The following AFAP1L2 variants were observed in gnomAD, a reference collection of about 807,000 sequenced individuals.
AFAP1L2 encodes actin filament associated protein 1 like 2, also known as actin filament-associated protein 1-like 2.
In AFAP1L2, 46 loss-of-function variants were observed where a neutral mutation model predicts 99.3. The ratio of observed to expected loss-of-function variants is 0.46; its 90% confidence interval spans 0.37 to 0.59. The LOEUF (loss-of-function observed/expected upper bound fraction) is 0.59. AFAP1L2 is among the 20% of genes least tolerant of loss of function. The probability of loss-of-function intolerance (pLI) is 0.00; values close to 1 mark genes in which losing one functional copy is unlikely to be tolerated. For missense variants in AFAP1L2, 959 were observed against 1,034.9 expected, an observed-to-expected ratio of 0.93 and a Z score of 1.01; for synonymous variants, 397 against 419.1, an observed-to-expected ratio of 0.95 and a Z score of 0.64.
chr10:114,301,068 C>T (rs887568696), intron 13 of AFAP1L2, among the ~76,000 whole-genome samples: 31 of 152,300 alleles, frequency 2.0e-4, no homozygotes, highest in Middle Eastern at 3.4e-3. Flanking sequence ...ACCTGGAAGC[C>T]TACTGGTACC....
chr10:114,291,021 C>T (rs903260817), downstream of AFAP1L2, among the ~76,000 whole-genome samples: 4 of 152,018 alleles, frequency 2.6e-5, no homozygotes, highest in African/African-American at 7.2e-5. Flanking sequence ...TTTTTGGCCA[C>T]GGGCAGAGGT....
rs149696955 is a variant in AFAP1L2, at chr10:114,309,315, C to T, written c.883-798G>A. On this transcript the variant is annotated intron_variant, in intron 8 of 18. Coordinates refer to ENST00000304129, the MANE Select transcript of AFAP1L2 (RefSeq NM_001001936.3). ...ATAAATGAGATAATGAAAAATGGCC[C>T]CTCCTGAGTCACTCTGGAATCTGGA... 6.2e-3 allele frequency among the ~76,000 whole-genome samples: 940 copies of T among 152,286 alleles called. 8 individuals are homozygous for T. Among genetic ancestry groups the T allele is most frequent in the African/African-American group, 0.022 (906 of 41,560 alleles).
intron 2 of AFAP1L2, among the ~76,000 whole-genome samples, chr10:114,339,395 G>C (rs965916630): frequency 9.9e-5 from 15 of 152,178 alleles, no homozygotes; most frequent in Non-Finnish European, 1.8e-4. Flanking sequence ...TACAGTGAGC[G>C]GAGATCGCGC....
chr10:114,387,423 A>T (rs1051032180), intron 1 of AFAP1L2, among the ~76,000 whole-genome samples: 1 of 152,154 alleles, frequency 6.6e-6, no homozygotes, highest in Non-Finnish European at 1.5e-5. Context: ...CCCACATAGA[A>T]CCTAATGGCA....
At chr10:114,290,648 G>A (rs1433852221), downstream of AFAP1L2, among the ~76,000 whole-genome samples, 4 of 152,302 alleles carry the variant, frequency 2.6e-5, no homozygotes, top group East Asian at 7.7e-4. Flanking sequence ...ATGTGGTGTG[G>A]TAGACGGTGC....
chr10:114,300,265 G>A lies in AFAP1L2; in HGVS notation c.1886C>T (p.Pro629Leu), dbSNP rs754748689. 2.2e-5 allele frequency: 35 copies of A among 1,614,026 alleles called. No individual in the cohort carries two copies. The highest frequency in any genetic ancestry group is 1.4e-4 in the South Asian group (13 of 91,078). The change falls in exon 15 of 19, where the codon CCG becomes CTG. Residue 629 changes from proline (P) to leucine (L), a missense_variant. Pro to Leu is a moderately conservative substitution (Grantham distance 98, BLOSUM62 -3). Transcript: ENST00000304129. ...AGGTGGGGTGGCCACCACGGCATCC[G>A]GGCAGCTCGGTGGGAAGGAGATTCT... ...QQRISFPPSCPDAVVATPPGA... is the reference protein window; with the variant it reads ...QQRISFPPSCLDAVVATPPGA...
rs1369417284 is a variant in AFAP1L2 at position 114,328,783 on chromosome 10, C to T, written c.315+3020G>A. 3.9e-5 allele frequency among the ~76,000 whole-genome samples: 6 copies of T among 152,136 alleles called. 1 individual carries two copies. The highest frequency in any genetic ancestry group is 8.8e-5 in the Non-Finnish European group (6 of 68,014). ...TGATGGCTGCTTCAGCCTGATTCAA[C>T]AAGAGAGGAGGCCTGAGGGAGTGAG... On this transcript the variant is annotated intron_variant, in intron 4 of 18. Coordinates refer to ENST00000304129, the MANE Select transcript of AFAP1L2 (RefSeq NM_001001936.3).
chr10:114,369,594 CAAAAAAAAA>C (rs34904418), intron 1 of AFAP1L2, among the ~76,000 whole-genome samples: 1 of 74,662 alleles, frequency 1.3e-5, no homozygotes, highest in African/African-American at 5.4e-5. Flanking sequence ...GACTCCGACT[CAAAAAAAAA>C]AAAAAAAAAA....
chr10:114,345,606 A>G (rs1389022875), intron 1 of AFAP1L2, among the ~76,000 whole-genome samples: 1 of 152,126 alleles, frequency 6.6e-6, no homozygotes, highest in African/African-American at 2.4e-5. Flanking sequence ...CTGAATTACA[A>G]CCCAATTTGG....
In AFAP1L2 at chr10:114,314,502, G is replaced by A. The variant is rs564849116; in HGVS notation, c.613-452C>T. ...CTCTTATCTGCCTAGTTAGGAAGAT[G>A]ATGTATTAACAAAGAAAGGAAGGAC... On this transcript the variant is annotated intron_variant, in intron 6 of 18. Coordinates refer to ENST00000304129, the MANE Select transcript of AFAP1L2 (RefSeq NM_001001936.3). Among the ~76,000 whole-genome samples the A allele has an allele frequency of 2.5e-3, 385 of 152,266 alleles. 4 individuals are homozygous for A. The highest frequency in any genetic ancestry group is 3.4e-3 in the Middle Eastern group (1 of 294).
intron 2 of AFAP1L2, among the ~76,000 whole-genome samples, chr10:114,338,325 G>T (rs1336139297): frequency 2.6e-5 from 4 of 152,154 alleles, no homozygotes; most frequent in Non-Finnish European, 5.9e-5. Context: ...AGATGCCCTT[G>T]CACGGTCCCT....
At chr10:114,327,869 C>T (rs1014403157) in intron 4 of AFAP1L2, among the ~76,000 whole-genome samples, 1 of 152,230 alleles carries the variant, frequency 6.6e-6, no homozygotes, top group Non-Finnish European at 1.5e-5. Context: ...CATCCTGCCC[C>T]AGAGTATGCT....
downstream of AFAP1L2, chr10:114,291,111 G>T: frequency 7.7e-7 from 1 of 1,299,976 alleles, no homozygotes. Context: ...TGGGGGCGAG[G>T]TGGGTTGTAG....
intron 3 of AFAP1L2, among the ~76,000 whole-genome samples, chr10:114,332,590 A>T (rs2047398773): frequency 6.6e-6 from 1 of 152,188 alleles, no homozygotes; most frequent in African/African-American, 2.4e-5. Context: ...CAGGCTTGGA[A>T]GTTAGGAATT....
chr10:114,348,606 G>C (rs1036749623), intron 1 of AFAP1L2, among the ~76,000 whole-genome samples: 14 of 152,216 alleles, frequency 9.2e-5, no homozygotes, highest in African/African-American at 3.4e-4. Context: ...AGATTGCCAT[G>C]CTCTCAAAGG....
intron 1 of AFAP1L2, among the ~76,000 whole-genome samples, chr10:114,353,582 A>C (rs1283751691): frequency 2.6e-5 from 4 of 152,254 alleles, no homozygotes; most frequent in Non-Finnish European, 5.9e-5. Context: ...TTCAGCGCTC[A>C]GAATCAACAG....
intron 11 of AFAP1L2, among the ~76,000 whole-genome samples, chr10:114,303,572 G>A (rs2041606028): frequency 1.3e-5 from 2 of 152,246 alleles, no homozygotes; most frequent in African/African-American, 4.8e-5. Context: ...CTCCCAAAGT[G>A]CTGGGGTTAC....
chr10:114,404,637 G>A, upstream of AFAP1L2: 2 of 845,708 alleles, frequency 2.4e-6, no homozygotes, highest in Non-Finnish European at 3.2e-6. Flanking sequence ...CGCCCCCAGC[G>A]CCCCTGTCCC....
At chr10:114,286,022 C>A in the AFAP1L2 span, 2 of 1,614,080 alleles carry the variant, frequency 1.2e-6, no homozygotes, top group South Asian at 1.1e-5. Context: ...CGGCTTCCTG[C>A]GGGCCAAAGT....
Sources: gnomAD v4.1 joint callset for allele counts (sites outside exome capture counted in the v4.1 genomes callset) on GRCh38, gnomAD v4.1.1 for gene constraint, MANE v1.5 for transcripts, NCBI Gene and HGNC (gene_info 2026-07-23, HGNC 2026-07-21) for gene names.